Variants in RP1L1 observed in about 807,000 individuals in gnomAD.
The protein encoded by RP1L1 is retinitis pigmentosa 1-like 1 protein.
A neutral mutation model predicts 15.7 loss-of-function variants in RP1L1; 27 were observed. The observed-to-expected ratio is 1.72, with a 90% CI of 1.27 to 2.38. The LOEUF is 2.38. RP1L1 is among the 30% of genes most tolerant of loss of function. The pLI is 0.00. For missense variants in RP1L1, 4,798 were observed against 3,075.9 expected (o/e 1.56, Z -13.24); for synonymous variants, 1,813 against 1,276.7 (o/e 1.42, Z -8.96).
rs150025185 is a variant in RP1L1, at chr8:10,617,524, T to C, written c.610-937A>G. On this transcript the variant is annotated intron_variant, in intron 2 of 3. Transcript: ENST00000382483. ...GGTAATTAGAAGTTTGTTTTTGTTTTTGTTTTTTTCTGTTTCTTTTTCTTT... is the reference window on the plus strand; with the variant it reads ...GGTAATTAGAAGTTTGTTTTTGTTTCTGTTTTTTTCTGTTTCTTTTTCTTT... Among the ~76,000 whole-genome samples the C allele has an allele frequency of 3.7e-3, 558 of 149,946 alleles. 3 individuals are homozygous for C. The highest frequency in any genetic ancestry group is 0.013 in the African/African-American group (541 of 41,074).
intron 1 of RP1L1, among the ~76,000 whole-genome samples, chr8:10,629,332 G>A (rs1798206367): frequency 6.6e-6 from 1 of 152,176 alleles, no homozygotes; most frequent in Admixed American, 6.5e-5. Flanking sequence ...GTGAGAAGGT[G>A]ACTAAGGGGG....
intron 1 of RP1L1, among the ~76,000 whole-genome samples, chr8:10,643,561 G>C (rs1245085384): frequency 2.0e-5 from 3 of 152,054 alleles, no homozygotes; most frequent in Admixed American, 6.5e-5. Flanking sequence ...GGAGAGAAAA[G>C]CATTTAAGGT....
rs1407543205 is a variant in RP1L1, at chr8:10,613,037, C to T, written c.1061G>A (p.Gly354Glu). 1 of 1,613,570 alleles carries T rather than the reference C, an allele frequency of 6.2e-7. No homozygotes were observed. Among genetic ancestry groups the T allele is most frequent in the Admixed American group, 1.7e-5 (1 of 60,032 alleles). ...GRASALTAASGEDPVLGEVDP... is the reference protein window; with the variant it reads ...GRASALTAASEEDPVLGEVDP... ...TACCTCCCCCAGAACGGGGTCTTCC[C>T]CACTGGCTGCCGTGAGGGCGCTGGC... Residue 354 changes from glycine (G) to glutamate (E), a missense_variant, in exon 4 of 4, where the codon GGG becomes GAG. Transcript: ENST00000382483.
At chr8:10,628,984 T>A (rs1022884456) in intron 1 of RP1L1, among the ~76,000 whole-genome samples, 5 of 152,182 alleles carry the variant, frequency 3.3e-5, no homozygotes, top group African/African-American at 1.2e-4. Context: ...AGAGCTCCCT[T>A]GAAGGCAGGA....
chr8:10,606,985 G>T lies in RP1L1; in HGVS notation c.7113C>A (p.Asp2371Glu). 6.2e-7 allele frequency: 1 copy of T among 1,614,216 alleles called. No individual in the cohort carries two copies. Among genetic ancestry groups the T allele is most frequent in the Non-Finnish European group, 8.5e-7 (1 of 1,180,038 alleles). ...TPEQGASEGY[D>E]LQEDQALGSL... The stretch of plus-strand genomic sequence containing the variant: ...TTCCGAGTGCCTGGTCCTCTTGTAG[G>T]TCATAACCTTCACTGGCCCCCTGCT... The change falls in exon 4 of 4, where the codon GAC becomes GAA. Residue 2371 changes from aspartate (D) to glutamate (E), a missense_variant. Physicochemically the swap from Asp to Glu is conservative, Grantham distance 45. Coordinates refer to ENST00000382483, the MANE Select transcript of RP1L1 (RefSeq NM_178857.6).
intron 1 of RP1L1, among the ~76,000 whole-genome samples, chr8:10,638,371 G>A (rs752200385): frequency 2.0e-5 from 3 of 152,132 alleles, no homozygotes; most frequent in Non-Finnish European, 2.9e-5. Flanking sequence ...GGGACTCAAG[G>A]AGGAATTCGA....
intron 1 of RP1L1, among the ~76,000 whole-genome samples, chr8:10,641,284 A>T (rs1047767340): frequency 1.3e-5 from 2 of 152,224 alleles, no homozygotes; most frequent in Non-Finnish European, 2.9e-5. Context: ...CAGTCAGAAT[A>T]GGAGAGCCCA....
chr8:10,608,440 C>A lies in RP1L1; in HGVS notation c.5658G>T (p.Glu1886Asp), dbSNP rs750597054. Residue 1886 changes from glutamate to aspartate, a missense_variant, in exon 4 of 4, where the codon GAG (glutamate) becomes GAT (aspartate). By Grantham distance (45) the Glu-to-Asp change is conservative. Transcript: ENST00000382483. ...CCTCTGGGGTCTCTACATCTTCTGA[C>A]TCTGGCTGGGCCTCTCCTTCTGCCT... ...APEAEGEAQP[E>D]SEDVETPEAE... The A allele has an allele frequency of 1.9e-6, 3 of 1,605,188 alleles. No individual in the cohort carries two copies. The highest frequency in any genetic ancestry group is 2.6e-6 in the Non-Finnish European group (3 of 1,175,602).
At position 10,609,121 on chromosome 8, in the gene RP1L1, G is replaced by A. The variant is rs143542839; in HGVS notation, c.4977C>T (p.Cys1659=). ...EEAEGEEFCP[C]EACVRKKVSP... ...TCACTTTCTTCCTCACGCAGGCCTC[G>A]CAGGGACAGAACTCCTCCCCCTCCG... Residue 1659 remains cysteine, a synonymous_variant, in exon 4 of 4, where the codon TGC becomes TGT. Coordinates refer to ENST00000382483, the MANE Select transcript of RP1L1 (RefSeq NM_178857.6). 1.1e-4 allele frequency: 178 copies of A among 1,613,484 alleles called. No individual in the cohort carries two copies. In the African/African-American group the frequency reaches 2.0e-3, roughly 18 times the overall value.
chr8:10,609,220 C>T lies in RP1L1; in HGVS notation c.4878G>A (p.Leu1626=), dbSNP rs1463114249. ...LSAFSERTLG[L]GPLSFTLEDE... ...CCTCCAGGGTGAAGGAGAGGGGCCC[C>T]AGGCCCAGGGTCCGCTCAGAGAAGG... The change falls in exon 4 of 4, where the codon CTG becomes CTA. Residue 1626 remains leucine (L), a synonymous_variant. Transcript: ENST00000382483. 6.2e-7 allele frequency: 1 copy of T among 1,610,006 alleles called. No individual in the cohort carries two copies. Among genetic ancestry groups the T allele is most frequent in the East Asian group, 2.2e-5 (1 of 44,860 alleles).
intron 1 of RP1L1, among the ~76,000 whole-genome samples, chr8:10,646,367 G>A (rs1424641715): frequency 6.6e-6 from 1 of 152,182 alleles, no homozygotes; most frequent in African/African-American, 2.4e-5. Context: ...CTGGTTTTCT[G>A]AATCGCTGGG....
intron 1 of RP1L1, among the ~76,000 whole-genome samples, chr8:10,632,339 G>A (rs1396458613): frequency 6.6e-6 from 1 of 152,206 alleles, no homozygotes; most frequent in African/African-American, 2.4e-5. Flanking sequence ...TTTCTCCTCT[G>A]GAAATGGAGG....
chr8:10,611,106 G>C lies in RP1L1; in HGVS notation c.2992C>G (p.His998Asp). The C allele has an allele frequency of 6.2e-7, 1 of 1,612,886 alleles. No individual in the cohort carries two copies. The highest frequency in any genetic ancestry group is 1.3e-5 in the African/African-American group (1 of 75,046). Residue 998 changes from histidine (H) to aspartate (D), a missense_variant, in exon 4 of 4, where the codon CAT (histidine) becomes GAT (aspartate). Transcript: ENST00000382483. ...GGCTCCCCCAGGCCTTCCAGAGAAT[G>C]GTCATCCCCAGGGTCCACCTCGGGG... ...RGPEVDPGDD[H>D]SLEGLGEPAQ...
intron 3 of RP1L1, among the ~76,000 whole-genome samples, chr8:10,614,322 G>A (rs1175190505): frequency 6.6e-6 from 1 of 152,216 alleles, no homozygotes; most frequent in Non-Finnish European, 1.5e-5. Flanking sequence ...CCCCAGCCAT[G>A]AAGAAGAGAA....
At chr8:10,651,664 G>A (rs1260488115) in intron 1 of RP1L1, among the ~76,000 whole-genome samples, 1 of 151,572 alleles carries the variant, frequency 6.6e-6, no homozygotes, top group Non-Finnish European at 1.5e-5. Flanking sequence ...GGCTGAGGCA[G>A]GAGAATCCCT....
In RP1L1 at chr8:10,612,522, G is replaced by A. The variant is rs753741383; in HGVS notation, c.1576C>T (p.Arg526Trp). ...EQGGRLTPRA[R>W]SEEGASSDSS... ...TCCGAAGAAGCCCCCTCCTCACTCC[G>A]GGCCCTCGGTGTCAGGCGGCCGCCT... The change falls in exon 4 of 4, where the codon CGG (arginine) becomes TGG (tryptophan). Residue 526 changes from arginine (R) to tryptophan (W), a missense_variant. By Grantham distance (101) the Arg-to-Trp change is moderately radical. Coordinates refer to ENST00000382483, the MANE Select transcript of RP1L1 (RefSeq NM_178857.6). The A allele has an allele frequency of 1.4e-5, 23 of 1,610,858 alleles. No individual in the cohort carries two copies. The highest frequency in any genetic ancestry group is 6.7e-5 in the East Asian group (3 of 44,876).
In RP1L1 at chr8:10,612,653, C is replaced by A. The variant is rs1169262457; in HGVS notation, c.1445G>T (p.Ser482Ile). 5 of 1,601,544 alleles carry A rather than the reference C, an allele frequency of 3.1e-6. No individual in the cohort carries two copies. In the African/African-American group the frequency reaches 6.7e-5, roughly 21 times the overall value. ...CCCTATCTGGGCAGAGGGGCTGGCA[C>A]TGTCCACCCCGTCCTCCGGGGTCCT... ...CPRTPEDGVDSASPSAQIGAE... is the reference protein window; with the variant it reads ...CPRTPEDGVDIASPSAQIGAE... The change falls in exon 4 of 4, where the codon AGT becomes ATT. Residue 482 changes from serine (S) to isoleucine (I), a missense_variant. By Grantham distance (142) the Ser-to-Ile change is moderately radical. Coordinates refer to ENST00000382483, the MANE Select transcript of RP1L1 (RefSeq NM_178857.6).
chr8:10,622,413 G>A (rs1798074829), intron 2 of RP1L1, among the ~76,000 whole-genome samples, 180 bp downstream of exon 2: 2 of 151,006 alleles, frequency 1.3e-5, no homozygotes, highest in South Asian at 2.1e-4. Context: ...CTAAAAACAT[G>A]AATCACAGCT....
At chr8:10,653,354 C>T (rs1798590140) in intron 1 of RP1L1, among the ~76,000 whole-genome samples, 1 of 152,052 alleles carries the variant, frequency 6.6e-6, no homozygotes, top group African/African-American at 2.4e-5. Flanking sequence ...ACCTAAGAGA[C>T]CAAAACCCAG....
Sources: allele counts gnomAD v4.1 joint callset (sites outside exome capture counted in the v4.1 genomes callset), GRCh38; gene constraint gnomAD v4.1.1; transcripts MANE v1.5; gene names NCBI Gene and HGNC (gene_info 2026-07-23, HGNC 2026-07-21).